Variants in TMEM116 observed in about 807,000 individuals in gnomAD.
TMEM116 encodes the protein transmembrane protein 116.
TMEM116 carries 38 observed loss-of-function variants against 44.3 expected under a neutral mutation model. The observed-to-expected ratio is 0.86, with a 90% confidence interval of 0.66 to 1.12. TMEM116 has a LOEUF of 1.12. TMEM116 is among the 50% of genes most tolerant of loss of function. The pLI is 0.00. For synonymous variants in TMEM116, 132 were observed against 144.8 expected (o/e 0.91, Z 0.64); for missense variants, 354 against 401.7 (o/e 0.88, Z 1.01).
At chr12:111,940,279 T>A (rs140505080) in intron 5 of TMEM116, among the ~76,000 whole-genome samples, 8,013 of 150,466 alleles carry the variant, frequency 0.053, 274 homozygotes, top group South Asian at 0.098. Flanking sequence ...TCTCAAAAAA[T>A]ATATATATAT....
At chr12:111,993,505 C>A (rs2076741936) in intron 3 of TMEM116, 3 of 546,210 alleles carry the variant, frequency 5.5e-6, no homozygotes, top group Admixed American at 2.1e-5. Context: ...GTGCTGAATT[C>A]TTTGCTGTAA....
Position 111,938,078 on chromosome 12 carries a change from A to G in TMEM116, c.365+83T>C. ...GACTTAGGACTGACAATGGAAATAA[A>G]GGGCACTGTCCTATTTGTTCCCACC... On this transcript the variant is annotated intron_variant, in intron 6 of 10. Coordinates refer to ENST00000552374, the MANE Select transcript of TMEM116 (RefSeq NM_001193531.2). The G allele has an allele frequency of 3.6e-6, 3 of 840,028 alleles. No homozygotes were observed. In the Admixed American group the frequency reaches 8.1e-5, roughly 23 times the overall value. 52.0% of individuals were successfully genotyped at this position (840,028 alleles called of 1,614,324 possible).
In TMEM116 at chr12:112,005,248, T is replaced by A. The variant is rs1406867355; in HGVS notation, c.14+9A>T. 2.9e-6 allele frequency: 4 copies of A among 1,373,450 alleles called. No individual in the cohort carries two copies. The highest frequency in any genetic ancestry group is 3.7e-6 in the Non-Finnish European group (4 of 1,069,894). The allele number at this position is 1,373,450 out of a possible 1,614,324, so 85.1% of individuals were successfully genotyped here. ...ACTAGTTTAGTTATATGAGATTAAA[T>A]AAACATACCTCAGAGTAGCCATGAC... is the stretch of plus-strand genomic sequence containing the variant. On this transcript the variant is annotated intron_variant, in intron 2 of 10. Coordinates refer to ENST00000552374, the MANE Select transcript of TMEM116 (RefSeq NM_001193531.2).
chr12:111,994,397 C>T (rs1262224550), intron 3 of TMEM116, among the ~76,000 whole-genome samples: 4 of 152,132 alleles, frequency 2.6e-5, no homozygotes, highest in Admixed American at 6.5e-5. Flanking sequence ...ATCGGCAGGT[C>T]GAGAAATAAA....
At chr12:111,956,200 A>C (rs1418667651) in intron 4 of TMEM116, among the ~76,000 whole-genome samples, 1 of 152,184 alleles carries the variant, frequency 6.6e-6, no homozygotes, top group Non-Finnish European at 1.5e-5. Context: ...AACTCTTTTC[A>C]TTATGTGAAT....
At chr12:111,943,827 G>A (rs1348201847) in intron 4 of TMEM116, among the ~76,000 whole-genome samples, 2 of 152,062 alleles carry the variant, frequency 1.3e-5, no homozygotes, top group African/African-American at 4.8e-5. Context: ...GTGAGCAATC[G>A]CACCTGGCCC....
intron 1 of TMEM116, among the ~76,000 whole-genome samples, chr12:112,007,633 C>T (rs1411221585): frequency 6.6e-6 from 1 of 152,206 alleles, no homozygotes; most frequent in African/African-American, 2.4e-5. Flanking sequence ...TCTACTCATA[C>T]ATCTTACCTA....
intron 4 of TMEM116, among the ~76,000 whole-genome samples, chr12:111,981,025 C>T (rs927760372): frequency 4.0e-5 from 6 of 149,150 alleles, no homozygotes; most frequent in African/African-American, 7.4e-5. Flanking sequence ...AGTGAGCAGT[C>T]GTTGTGCCAC....
At chr12:111,937,311 T>C in intron 6 of TMEM116, 68 bp from the exon 7 acceptor site, 2 of 1,205,912 alleles carry the variant, frequency 1.7e-6, no homozygotes, top group Non-Finnish European at 2.4e-6. Flanking sequence ...TTGAAGAATA[T>C]TCTCCTGCTC....
chr12:111,941,831 A>G lies in TMEM116; in HGVS notation c.315+1434T>C, dbSNP rs11066097. Among the ~76,000 whole-genome samples, 8,433 of 152,292 alleles carry G rather than the reference A, an allele frequency of 0.055. 1,300 individuals carry two copies. The East Asian group carries it at 0.61, about 11-fold the overall frequency. On this transcript the variant is annotated intron_variant, in intron 5 of 10. Coordinates refer to ENST00000552374, the MANE Select transcript of TMEM116 (RefSeq NM_001193531.2). ...TAGAACAACATAAAAAAGTAAGAAG[A>G]GTACCTCCTTAAGAAGTCAATCAGA...
chr12:112,001,458 C>T (rs1044807541), intron 3 of TMEM116, among the ~76,000 whole-genome samples: 2 of 152,154 alleles, frequency 1.3e-5, no homozygotes, highest in African/African-American at 4.8e-5. Flanking sequence ...ACTATAGGCA[C>T]CTGCCACTAC....
intron 8 of TMEM116, 48 bp from the exon 9 acceptor site, chr12:111,934,078 T>C (rs769050883): frequency 6.2e-7 from 1 of 1,602,186 alleles, no homozygotes; most frequent in South Asian, 1.1e-5. Flanking sequence ...CTTAGTAAAA[T>C]GCCCCAGGTC....
At chr12:111,934,765 A>AAAAG (rs1363026544) in intron 8 of TMEM116, 1 of 152,184 alleles carries the variant, frequency 6.6e-6, no homozygotes, top group Admixed American at 6.5e-5. Context: ...TCAAAAAAAA[A>AAAAG]AAAGAAAGAA....
intron 4 of TMEM116, among the ~76,000 whole-genome samples, chr12:111,974,476 C>T (rs934742819): frequency 6.6e-6 from 1 of 151,764 alleles, no homozygotes. Context: ...ATGGTAAAAC[C>T]CTGTCTCTAC....
At chr12:111,957,905 G>T (rs1206893090) in intron 4 of TMEM116, among the ~76,000 whole-genome samples, 13 of 152,226 alleles carry the variant, frequency 8.5e-5, no homozygotes, top group Non-Finnish European at 4.4e-5. Flanking sequence ...GTAGACATAG[G>T]AGACTCCATT....
intron 4 of TMEM116, among the ~76,000 whole-genome samples, chr12:111,967,190 GA>G (rs1215673523): frequency 1.3e-5 from 2 of 151,676 alleles, no homozygotes; most frequent in Admixed American, 1.3e-4. Flanking sequence ...TTCATTTTTA[GA>G]AAAAAAATTG....
chr12:111,990,185 G>A (rs1388133490), intron 4 of TMEM116, among the ~76,000 whole-genome samples: 1 of 151,766 alleles, frequency 6.6e-6, no homozygotes, highest in Non-Finnish European at 1.5e-5. Flanking sequence ...AACCCGGGAG[G>A]TGGAGCTTGC....
At chr12:111,986,243 T>C (rs1287292115) in intron 4 of TMEM116, among the ~76,000 whole-genome samples, 5 of 151,972 alleles carry the variant, frequency 3.3e-5, no homozygotes, top group Admixed American at 6.6e-5. Context: ...CCTGTGGTCC[T>C]AGCTACTCAG....
At chr12:111,995,594 T>C (rs1363742461) in intron 3 of TMEM116, among the ~76,000 whole-genome samples, 2 of 151,912 alleles carry the variant, frequency 1.3e-5, no homozygotes. Flanking sequence ...AAAAATTAGC[T>C]GGGCATGGTG....
Sources: allele counts gnomAD v4.1 joint callset (sites outside exome capture counted in the v4.1 genomes callset), GRCh38; gene constraint gnomAD v4.1.1; transcripts MANE v1.5; gene names NCBI Gene and HGNC (gene_info 2026-07-23, HGNC 2026-07-21).